Variants in ZNF726 observed in about 807,000 individuals in gnomAD.
ZNF726 encodes the protein zinc finger protein 726.
A neutral mutation model predicts 11.6 loss-of-function variants in ZNF726; 15 were observed. The ratio of observed to expected loss-of-function variants is 1.29; its 90% CI spans 0.86 to 1.99. The LOEUF is 1.99. Among genes scored for constraint, ZNF726 ranks in the 30% most tolerant of loss-of-function variants. The pLI, the probability that ZNF726 is intolerant of heterozygous loss-of-function variation, is 0.00. For missense variants in ZNF726, 890 were observed against 725.6 expected (o/e 1.23, Z -2.60); for synonymous variants, 295 against 243.6 (o/e 1.21, Z -1.96).
chr19:23,941,554 T>C (rs1301518722), intron 3 of ZNF726, among the ~76,000 whole-genome samples: 1 of 152,176 alleles, frequency 6.6e-6, no homozygotes, highest in Non-Finnish European at 1.5e-5. Context: ...AAAGTATTGG[T>C]ACCAATTCTT....
At chr19:23,925,713 C>CTTTTTTTTTTTTTT (rs1207103965) in intron 3 of ZNF726, among the ~76,000 whole-genome samples, 3 of 112,602 alleles carry the variant, frequency 2.7e-5, no homozygotes, top group Non-Finnish European at 3.6e-5. Context: ...TTTTTCTTTT[C>CTTTTTTTTTTTTTT]TTTTTTTTTT....
In ZNF726 at chr19:23,933,226, A is replaced by C. The variant is rs1272955273; in HGVS notation, c.1110A>C (p.Lys370Asn). 6.2e-7 allele frequency: 1 copy of C among 1,612,790 alleles called. No homozygotes were observed. Among genetic ancestry groups the C allele is most frequent in the South Asian group, 1.1e-5 (1 of 91,038 alleles). Residue 370 changes from lysine (K) to asparagine (N), a missense_variant, in exon 4 of 4, where the codon AAA (lysine) becomes AAC (asparagine). Physicochemically the swap from Lys to Asn is moderately conservative, Grantham distance 94. Transcript: ENST00000594466. Reference sequence around the variant, plus strand: ...TTCATACTGGAGAGAAACCCTACAAATGTGAAGAATGTGGCAAAGCATTTA... The same window carrying C: ...TTCATACTGGAGAGAAACCCTACAACTGTGAAGAATGTGGCAAAGCATTTA... ...RIIHTGEKPYKCEECGKAFIW... is the reference protein window; with the variant it reads ...RIIHTGEKPYNCEECGKAFIW...
At chr19:23,935,011 A>T (rs1270800785), downstream of ZNF726, among the ~76,000 whole-genome samples, 1 of 152,230 alleles carries the variant, frequency 6.6e-6, no homozygotes, top group Admixed American at 6.5e-5. Flanking sequence ...ACACCATAGC[A>T]TGGGTGAGGG....
chr19:23,936,823 A>G (rs1968241028), downstream of ZNF726, among the ~76,000 whole-genome samples: 1 of 151,844 alleles, frequency 6.6e-6, no homozygotes, highest in Non-Finnish European at 1.5e-5. Flanking sequence ...TTTTCTTAGT[A>G]CAGAACAAAA....
intron 3 of ZNF726, chr19:23,929,075 T>G (rs1369120358): frequency 6.6e-6 from 1 of 152,014 alleles, no homozygotes; most frequent in Non-Finnish European, 1.5e-5. Flanking sequence ...TGAGATTATA[T>G]TTTTTTCTAT....
At chr19:23,927,010 C>T (rs1968003499) in intron 3 of ZNF726, among the ~76,000 whole-genome samples, 2 of 152,156 alleles carry the variant, frequency 1.3e-5, no homozygotes, top group Non-Finnish European at 2.9e-5. Flanking sequence ...TGGAGTCTTG[C>T]TCTGTCGCCC....
At chr19:23,921,382 A>G (rs1599454590) in intron 3 of ZNF726, 2 of 152,490 alleles carry the variant, frequency 1.3e-5, no homozygotes, top group African/African-American at 4.8e-5. Flanking sequence ...GCTATTCAAA[A>G]TTTATTGTGG....
In ZNF726 at chr19:23,914,961, G is replaced by A; in HGVS notation, c.-34G>A. Reference sequence around the variant, plus strand: ...TTCTGCTTTTAGGGGCGCAGCCTCTGTGGCCCTGTGACCTGCCCCCTGGAA... The same window carrying A: ...TTCTGCTTTTAGGGGCGCAGCCTCTATGGCCCTGTGACCTGCCCCCTGGAA... On this transcript the variant is annotated 5_prime_UTR_variant, in exon 1 of 4. It adds an upstream start codon to the 5' untranslated region. Transcript: ENST00000594466. 1 of 1,613,474 alleles carries A rather than the reference G, an allele frequency of 6.2e-7. No homozygotes were observed. Among genetic ancestry groups the A allele is most frequent in the Non-Finnish European group, 8.5e-7 (1 of 1,179,998 alleles).
chr19:23,943,750 C>T (rs1279697177), intron 4 of ZNF726: 1 of 435,718 alleles, frequency 2.3e-6, no homozygotes, highest in Non-Finnish European at 4.1e-6. Flanking sequence ...CATTTTTGTC[C>T]CATACCCTTA....
At chr19:23,924,895 A>G (rs1352621005) in intron 3 of ZNF726, among the ~76,000 whole-genome samples, 2 of 152,166 alleles carry the variant, frequency 1.3e-5, no homozygotes, top group Non-Finnish European at 2.9e-5. Context: ...TTGTCTTAAA[A>G]AAAAAAAAGT....
chr19:23,934,644 C>T (rs778073380), downstream of ZNF726, among the ~76,000 whole-genome samples: 4 of 152,178 alleles, frequency 2.6e-5, no homozygotes. Flanking sequence ...AGCCTCCGGA[C>T]CCCCAAGGGC....
rs555702677 is a variant in ZNF726 at position 23,941,551 on chromosome 19, T to C, written c.227-1943T>C. Among the ~76,000 whole-genome samples the C allele has an allele frequency of 2.1e-3, 315 of 152,282 alleles. 1 individual carries two copies. The highest frequency in any genetic ancestry group is 7.3e-3 in the African/African-American group (304 of 41,566). On this transcript the variant is annotated intron_variant, in intron 3 of 4. Transcript: ENST00000334589. ...TCTTGTGGAACAATGTCAAAAGTAT[T>C]GGTACCAATTCTTTGAATATCTGGT...
chr19:23,937,144 C>T (rs1353272728), downstream of ZNF726, among the ~76,000 whole-genome samples: 33 of 150,124 alleles, frequency 2.2e-4, no homozygotes, highest in African/African-American at 8.1e-4. Context: ...GGGGCTGACC[C>T]CCCCACCTCC....
In ZNF726 at chr19:23,929,065, T is replaced by G. The variant is rs187362023; in HGVS notation, c.227-3278T>G. 2.6e-5 allele frequency: 4 copies of G among 152,184 alleles called. No individual in the cohort carries two copies. The East Asian group carries it at 5.8e-4, about 22-fold the overall frequency. The allele number at this position is 152,184 out of a possible 1,614,324, so 9.4% of individuals were successfully genotyped here. Reference sequence around the variant, plus strand: ...AGCCCATCTTAACCTCTCAAAGTCCTGAGATTATATTTTTTTCTATTAAGT... The same window carrying G: ...AGCCCATCTTAACCTCTCAAAGTCCGGAGATTATATTTTTTTCTATTAAGT... On this transcript the variant is annotated intron_variant, in intron 3 of 3. Coordinates refer to ENST00000594466, the MANE Select transcript of ZNF726 (RefSeq NM_001244038.2).
chr19:23,926,538 C>T (rs1343708901), intron 3 of ZNF726, among the ~76,000 whole-genome samples: 2 of 144,392 alleles, frequency 1.4e-5, no homozygotes, highest in East Asian at 4.1e-4. Flanking sequence ...GGGCTGCACT[C>T]CAGCCTGGGC....
downstream of ZNF726, among the ~76,000 whole-genome samples, chr19:23,938,984 T>A (rs1434440849): frequency 1.3e-5 from 2 of 152,122 alleles, no homozygotes; most frequent in Non-Finnish European, 2.9e-5. Flanking sequence ...TTAATTTCAT[T>A]GTTCCATTTA....
At chr19:23,915,094 G>A in intron 1 of ZNF726, 97 bp downstream of exon 1, 1 of 1,581,892 alleles carries the variant, frequency 6.3e-7, no homozygotes, top group Non-Finnish European at 8.7e-7. Flanking sequence ...CTCGCTGTCA[G>A]TTTTACAATC....
chr19:23,939,882 T>TTTTTTTTTTC (rs1968310143), intron 3 of ZNF726, among the ~76,000 whole-genome samples: 2 of 149,554 alleles, frequency 1.3e-5, no homozygotes, highest in African/African-American at 4.9e-5. Context: ...TTTTTTTTTT[T>TTTTTTTTTTC]CTGACTGATT....
chr19:23,937,768 C>T (rs913428580), downstream of ZNF726, among the ~76,000 whole-genome samples: 21 of 152,318 alleles, frequency 1.4e-4, no homozygotes, highest in African/African-American at 2.9e-4. Context: ...GCTGCAATCT[C>T]GGCACTTTGG....
Sources: gnomAD v4.1 joint callset for allele counts (sites outside exome capture counted in the v4.1 genomes callset) on GRCh38, gnomAD v4.1.1 for gene constraint, MANE v1.5 for transcripts, NCBI Gene and HGNC (gene_info 2026-07-23, HGNC 2026-07-21) for gene names.